The following SRPK1 variants were observed in gnomAD, a reference collection of about 807,000 sequenced individuals.
The protein encoded by SRPK1 is SFRS protein kinase 1.
In SRPK1, 52 loss-of-function variants were observed where a neutral mutation model predicts 89.5. The ratio of observed to expected loss-of-function variants is 0.58; its 90% CI spans 0.46 to 0.73. SRPK1 has a LOEUF of 0.73. SRPK1 is among the 30% of genes least tolerant of loss of function. The probability of loss-of-function intolerance (pLI) is 0.00; values close to 1 mark genes in which losing one functional copy is unlikely to be tolerated. For missense variants in SRPK1, 603 were observed against 780.6 expected (o/e 0.77, Z 2.71); for synonymous variants, 255 against 270.2 (o/e 0.94, Z 0.55).
chr6:35,842,992 G>A (rs1769345628), intron 13 of SRPK1, among the ~76,000 whole-genome samples: 1 of 146,904 alleles, frequency 6.8e-6, no homozygotes, highest in South Asian at 2.1e-4. Flanking sequence ...TTTTTGAGAC[G>A]GAGTCTCACT....
intron 2 of SRPK1, among the ~76,000 whole-genome samples, chr6:35,913,627 G>A (rs1291358305): frequency 1.3e-5 from 2 of 151,818 alleles, no homozygotes; most frequent in Admixed American, 6.6e-5. Flanking sequence ...GTGAAACCCC[G>A]TCTCTACTAA....
intron 13 of SRPK1, among the ~76,000 whole-genome samples, chr6:35,848,927 T>C (rs949701798): frequency 6.6e-6 from 1 of 152,192 alleles, no homozygotes; most frequent in East Asian, 1.9e-4. Flanking sequence ...GACATTGGTC[T>C]GAGCAATGAT....
At chr6:35,889,438 A>G (rs569542895) in intron 3 of SRPK1, among the ~76,000 whole-genome samples, 1 of 151,988 alleles carries the variant, frequency 6.6e-6, no homozygotes, top group African/African-American at 2.4e-5. Context: ...ATTTGAGGTC[A>G]GGAGTTCGAG....
intron 13 of SRPK1, among the ~76,000 whole-genome samples, chr6:35,844,390 T>C (rs981575205): frequency 6.6e-6 from 1 of 152,138 alleles, no homozygotes; most frequent in African/African-American, 2.4e-5. Context: ...ATTAAATCAA[T>C]GGTACTAAGC....
chr6:35,870,884 T>A (rs1253628712), intron 9 of SRPK1, 50 bp downstream of exon 9: 1 of 1,479,548 alleles, frequency 6.8e-7, no homozygotes, highest in Non-Finnish European at 9.3e-7. Flanking sequence ...GAAGAACCCA[T>A]GCCCATAGTC....
rs1276672274 is a variant in SRPK1 at position 35,885,298 on chromosome 6, C to CACACACAGAGAGAGAG, written c.478+1425_478+1426insCTCTCTCTCTGTGTGT. On this transcript the variant is annotated intron_variant, in intron 6 of 15. Coordinates refer to ENST00000373825, the MANE Select transcript of SRPK1 (RefSeq NM_003137.5). The stretch of plus-strand genomic sequence containing the variant: ...ACACACACACACACACACACACACA[C>CACACACAGAGAGAGAG]AGAGAGAGAGAGAGAGAGAGAGAGA... Among the ~76,000 whole-genome samples the CACACACAGAGAGAGAG allele has an allele frequency of 6.2e-5, 7 of 113,186 alleles. No homozygotes were observed. In the South Asian group the frequency reaches 1.2e-3, roughly 19 times the overall value. The allele number at this position is 113,186 out of a possible 152,430, so 74.3% of individuals were successfully genotyped here.
chr6:35,882,518 A>G (rs1444048517), intron 6 of SRPK1, among the ~76,000 whole-genome samples: 1 of 151,752 alleles, frequency 6.6e-6, no homozygotes, highest in Non-Finnish European at 1.5e-5. Context: ...GGGTCTTGCT[A>G]TGTTACCCAG....
chr6:35,915,336 G>C (rs1771064103), intron 2 of SRPK1, among the ~76,000 whole-genome samples: 1 of 151,346 alleles, frequency 6.6e-6, no homozygotes, highest in South Asian at 2.1e-4. Context: ...GAACCCGGGA[G>C]GGGGAGCTTG....
intron 2 of SRPK1, among the ~76,000 whole-genome samples, chr6:35,915,992 ATAT>A (rs1441548691): frequency 3.2e-5 from 2 of 62,168 alleles, no homozygotes; most frequent in African/African-American, 1.7e-4. Context: ...AAAAAAAAAA[ATAT>A]ATACACACAC....
At chr6:35,906,228 T>C (rs1313642888) in intron 2 of SRPK1, among the ~76,000 whole-genome samples, 1 of 152,130 alleles carries the variant, frequency 6.6e-6, no homozygotes, top group African/African-American at 2.4e-5. Context: ...GCACGAATTT[T>C]ATTATTTTTT....
At chr6:35,903,012 C>G (rs1770777421) in intron 2 of SRPK1, among the ~76,000 whole-genome samples, 2 of 151,946 alleles carry the variant, frequency 1.3e-5, no homozygotes, top group Non-Finnish European at 2.9e-5. Flanking sequence ...GACATGGTGA[C>G]TCACACCTAT....
chr6:35,865,978 G>T (rs947062167), intron 12 of SRPK1, among the ~76,000 whole-genome samples: 3 of 150,960 alleles, frequency 2.0e-5, no homozygotes, highest in East Asian at 1.9e-4. Context: ...CCCAACAGGG[G>T]ACTAACATCT....
intron 2 of SRPK1, among the ~76,000 whole-genome samples, chr6:35,908,954 G>A (rs1296941451): frequency 6.6e-6 from 1 of 152,224 alleles, no homozygotes; most frequent in Non-Finnish European, 1.5e-5. Context: ...GAGGACATAT[G>A]GAAATGCCTG....
At chr6:35,876,002 G>T (rs371732561) in intron 6 of SRPK1, among the ~76,000 whole-genome samples, 1 of 147,044 alleles carries the variant, frequency 6.8e-6, no homozygotes, top group African/African-American at 2.5e-5. Flanking sequence ...GACAAACACG[G>T]TTAACCTGAA....
intron 14 of SRPK1, among the ~76,000 whole-genome samples, chr6:35,840,184 C>T (rs1206048144): frequency 6.6e-6 from 1 of 152,172 alleles, no homozygotes; most frequent in East Asian, 1.9e-4. Flanking sequence ...GTTTAAACTT[C>T]CAGTTATGTA....
intron 12 of SRPK1, among the ~76,000 whole-genome samples, chr6:35,858,510 G>T (rs1166402297): frequency 6.6e-6 from 1 of 152,158 alleles, no homozygotes; most frequent in East Asian, 1.9e-4. Flanking sequence ...TCAAGAATCA[G>T]AATGGCATCG....
At chr6:35,891,039 T>C (rs1296094664) in intron 2 of SRPK1, 26 bp from the exon 3 acceptor site, 2 of 1,541,116 alleles carry the variant, frequency 1.3e-6, no homozygotes, top group South Asian at 2.4e-5. Context: ...AAAATGCCCA[T>C]TCCATTTGGA....
chr6:35,879,264 G>A (rs1209845683), intron 6 of SRPK1, among the ~76,000 whole-genome samples: 1 of 151,576 alleles, frequency 6.6e-6, no homozygotes, highest in Admixed American at 6.6e-5. Flanking sequence ...AAACAAAACA[G>A]AGCCAGGTAC....
intron 12 of SRPK1, among the ~76,000 whole-genome samples, chr6:35,861,220 G>T (rs1190845247): frequency 6.6e-6 from 1 of 152,184 alleles, no homozygotes; most frequent in Non-Finnish European, 1.5e-5. Context: ...GAGGAAGCTG[G>T]CATGGGCATA....
Sources: gnomAD v4.1 joint callset for allele counts (sites outside exome capture counted in the v4.1 genomes callset) on GRCh38, gnomAD v4.1.1 for gene constraint, MANE v1.5 for transcripts, NCBI Gene and HGNC (gene_info 2026-07-23, HGNC 2026-07-21) for gene names.